NRXN1: variants seen among roughly 807,000 people sequenced by gnomAD.
NRXN1 encodes the protein neurexin 1.
Under a neutral mutation model 150.9 loss-of-function variants are expected in NRXN1, and 39 were observed. The ratio of observed to expected loss-of-function variants is 0.26; its 90% CI spans 0.20 to 0.34. The LOEUF (loss-of-function observed/expected upper bound fraction) is 0.34. Ranked by LOEUF, NRXN1 falls within the 10% of genes least tolerant of loss-of-function variation. The pLI, the probability that NRXN1 is intolerant of heterozygous loss-of-function variation, is 1.00. For missense variants in NRXN1, 1,815 were observed against 1,949.9 expected (o/e 0.93, Z 1.30); for synonymous variants, 924 against 757.0 (o/e 1.22, Z -3.62).
chr2:51,024,825 G>C (rs529189356), intron 2 of NRXN1, among the ~76,000 whole-genome samples: 1 of 152,002 alleles, frequency 6.6e-6, no homozygotes, highest in African/African-American at 2.4e-5. Flanking sequence ...TTACTTGTCT[G>C]TTTTTTTCCC....
chr2:50,150,447 G>A (rs1421734834), intron 18 of NRXN1, among the ~76,000 whole-genome samples: 1 of 151,714 alleles, frequency 6.6e-6, no homozygotes. Context: ...TTACTACTTT[G>A]TGCAAACCAC....
At chr2:50,537,636 T>C (rs2093293506) in intron 10 of NRXN1, among the ~76,000 whole-genome samples, 1 of 152,202 alleles carries the variant, frequency 6.6e-6, no homozygotes, top group South Asian at 2.1e-4. Context: ...AATTGGTAAA[T>C]GAATCCTCTG....
chr2:50,396,275 C>T (rs2082045374), intron 17 of NRXN1, among the ~76,000 whole-genome samples: 1 of 152,112 alleles, frequency 6.6e-6, no homozygotes, highest in Non-Finnish European at 1.5e-5. Flanking sequence ...ATAACAAATT[C>T]CTGTTTATTT....
rs190900530 is a variant in NRXN1 at position 50,215,136 on chromosome 2, T to C, written c.3546+21653A>G. 6.4e-4 allele frequency among the ~76,000 whole-genome samples: 98 copies of C among 152,150 alleles called. 2 individuals carry two copies. The East Asian group carries it at 0.013, about 20-fold the overall frequency. On this transcript the variant is annotated intron_variant, in intron 18 of 22. Transcript: ENST00000401669. Reference sequence around the variant, plus strand: ...TATTTTATCTGATACAGACTTCCTTTACGTTTTCTTATAATGGCATTAATG... The same window carrying C: ...TATTTTATCTGATACAGACTTCCTTCACGTTTTCTTATAATGGCATTAATG...
At position 49,987,513 on chromosome 2, in the gene NRXN1, A is replaced by G. The variant is rs189996539; in HGVS notation, c.4129-43722T>C. On this transcript the variant is annotated intron_variant, in intron 21 of 22. Transcript: ENST00000401669. ...GATGGAGATCATCATTACAAACCTT[A>G]GGTATCACTTTACAGCATGTGGTAA... 8.6e-4 allele frequency among the ~76,000 whole-genome samples: 131 copies of G among 152,274 alleles called. 1 individual carries two copies. The highest frequency in any genetic ancestry group is 1.4e-3 in the Non-Finnish European group (97 of 68,016).
At chr2:50,629,389 C>A (rs1681816515) in intron 5 of NRXN1, among the ~76,000 whole-genome samples, 1 of 151,502 alleles carries the variant, frequency 6.6e-6, no homozygotes, top group Non-Finnish European at 1.5e-5. Flanking sequence ...AGTTCTGATT[C>A]CATTTATATA....
At chr2:49,954,523 AG>A (rs1573027309) in intron 21 of NRXN1, among the ~76,000 whole-genome samples, 2 of 152,168 alleles carry the variant, frequency 1.3e-5, no homozygotes, top group African/African-American at 4.8e-5. Flanking sequence ...ACAGATGAAC[AG>A]GGAAAAACAG....
At chr2:50,892,368 G>C (rs1293728443) in intron 5 of NRXN1, among the ~76,000 whole-genome samples, 6 of 152,108 alleles carry the variant, frequency 3.9e-5, no homozygotes, top group Non-Finnish European at 8.8e-5. Context: ...ATTGGGAATT[G>C]AGAGATCAAT....
chr2:50,062,914 CAA>C (rs1694768894), intron 19 of NRXN1, among the ~76,000 whole-genome samples: 1 of 152,006 alleles, frequency 6.6e-6, no homozygotes, highest in African/African-American at 2.4e-5. Context: ...ATAAAAATAA[CAA>C]GAACAAAAAG....
At chr2:50,358,900 T>C (rs1176489072) in intron 17 of NRXN1, among the ~76,000 whole-genome samples, 3 of 152,162 alleles carry the variant, frequency 2.0e-5, no homozygotes, top group Non-Finnish European at 2.9e-5. Flanking sequence ...GCAGCAACCT[T>C]TACTGTTCCA....
At chr2:50,251,131 A>T (rs1331226933) in intron 17 of NRXN1, among the ~76,000 whole-genome samples, 2 of 151,524 alleles carry the variant, frequency 1.3e-5, no homozygotes, top group Non-Finnish European at 2.9e-5. Flanking sequence ...TTAGCCCATC[A>T]CCTAGGTATT....
intron 2 of NRXN1, among the ~76,000 whole-genome samples, chr2:50,996,185 C>T (rs1699254795): frequency 6.6e-6 from 1 of 152,000 alleles, no homozygotes; most frequent in African/African-American, 2.4e-5. Flanking sequence ...GGGCAGTTTG[C>T]TGGTTTTGGG....
chr2:50,358,386 T>C (rs1018874095), intron 17 of NRXN1, among the ~76,000 whole-genome samples: 9 of 152,150 alleles, frequency 5.9e-5, no homozygotes, highest in Non-Finnish European at 8.8e-5. Flanking sequence ...ATGCTCAAGC[T>C]TGGTGTGGGG....
At chr2:50,332,132 T>C (rs936711049) in intron 17 of NRXN1, among the ~76,000 whole-genome samples, 4 of 152,152 alleles carry the variant, frequency 2.6e-5, no homozygotes, top group African/African-American at 9.7e-5. Context: ...TTGTAAATGG[T>C]GAAATCACAG....
At chr2:50,889,609 T>C (rs1365747326) in intron 5 of NRXN1, among the ~76,000 whole-genome samples, 1 of 151,762 alleles carries the variant, frequency 6.6e-6, no homozygotes, top group Admixed American at 6.6e-5. Flanking sequence ...TACATTCAAA[T>C]ATAACTTGTA....
chr2:50,579,591 G>C lies in NRXN1; in HGVS notation c.1321-26566C>G, dbSNP rs547822761. ...TTAACTCTGGGAGATTGAGGCTATA[G>C]TGAGCCAAGATCACACCACTGCACT... On this transcript the variant is annotated intron_variant, in intron 8 of 22. Transcript: ENST00000401669. 5.9e-5 allele frequency among the ~76,000 whole-genome samples: 9 copies of C among 152,278 alleles called. 1 individual carries two copies. The highest frequency in any genetic ancestry group is 2.2e-4 in the African/African-American group (9 of 41,572).
chr2:50,499,332 T>C (rs1335818448), intron 13 of NRXN1, among the ~76,000 whole-genome samples: 2 of 152,326 alleles, frequency 1.3e-5, no homozygotes, highest in East Asian at 1.9e-4. Flanking sequence ...TGGTTTGTTC[T>C]GATTCCCTTC....
intron 5 of NRXN1, among the ~76,000 whole-genome samples, chr2:50,887,262 G>C (rs1680391880): frequency 6.6e-6 from 1 of 151,354 alleles, no homozygotes; most frequent in Non-Finnish European, 1.5e-5. Flanking sequence ...TCCATTAGAG[G>C]AGTTCGGTCT....
chr2:50,247,832 A>G (rs546220425), intron 17 of NRXN1, among the ~76,000 whole-genome samples: 46 of 152,258 alleles, frequency 3.0e-4, no homozygotes, highest in African/African-American at 1.1e-3. Flanking sequence ...TAATAATACT[A>G]CATTAATGTT....
Sources: gnomAD v4.1 joint callset for allele counts (sites outside exome capture counted in the v4.1 genomes callset) on GRCh38, gnomAD v4.1.1 for gene constraint, MANE v1.5 for transcripts, NCBI Gene and HGNC (gene_info 2026-07-23, HGNC 2026-07-21) for gene names.